The following LMO7 variants were observed in gnomAD, a reference collection of about 807,000 sequenced individuals.
LMO7 encodes LIM domain 7, also known as LIM domain only protein 7.
Under a neutral mutation model 206.5 loss-of-function variants are expected in LMO7, and 120 were observed. The observed-to-expected ratio is 0.58, with a 90% CI of 0.50 to 0.68. LMO7 has a LOEUF of 0.68. Ranked by LOEUF, LMO7 falls within the 30% of genes least tolerant of loss-of-function variation. LMO7 has a pLI of 0.00. For synonymous variants in LMO7, 706 were observed against 681.5 expected, an observed-to-expected ratio of 1.04 and a Z score of -0.56; for missense variants, 1,959 against 1,957.9, an observed-to-expected ratio of 1.00 and a Z score of -0.01.
intron 3 of LMO7, among the ~76,000 whole-genome samples, chr13:75,735,416 G>A (rs2045719500): frequency 2.0e-5 from 3 of 152,088 alleles, no homozygotes; most frequent in South Asian, 2.1e-4. Context: ...AGTCAGAAGA[G>A]GTTTGTTATT....
intron 3 of LMO7, among the ~76,000 whole-genome samples, chr13:75,742,029 A>T (rs607095): frequency 0.47 from 70,665 of 151,942 alleles, 17,158 homozygotes; most frequent in East Asian, 0.61. Context: ...TTCAGGTAAG[A>T]TTCAAGATAC....
intron 3 of LMO7, among the ~76,000 whole-genome samples, chr13:75,732,666 G>C (rs1171421399): frequency 6.6e-6 from 1 of 152,212 alleles, no homozygotes; most frequent in Non-Finnish European, 1.5e-5. Flanking sequence ...CATTGCTGGT[G>C]AGGAACTGCG....
At chr13:75,823,914 C>T (rs1279666425) in intron 15 of LMO7, 41 bp downstream of exon 15, 2 of 1,513,686 alleles carry the variant, frequency 1.3e-6, no homozygotes, top group East Asian at 2.3e-5. Context: ...GGCTCAGACA[C>T]TTACACATTT....
chr13:75,813,117 T>C (rs1287126696), intron 11 of LMO7, among the ~76,000 whole-genome samples: 1 of 152,234 alleles, frequency 6.6e-6, no homozygotes, highest in East Asian at 1.9e-4. Flanking sequence ...GCGAGGTTGC[T>C]GGCACACAGT....
At chr13:75,644,304 G>A (rs2036824766) in intron 1 of LMO7, among the ~76,000 whole-genome samples, 1 of 152,088 alleles carries the variant, frequency 6.6e-6, no homozygotes, top group Non-Finnish European at 1.5e-5. Context: ...AGGGGTGAGA[G>A]GTAAAATAAT....
At chr13:75,795,992 ATATTGT>A (rs1319561838) in intron 5 of LMO7, among the ~76,000 whole-genome samples, 66 of 152,282 alleles carry the variant, frequency 4.3e-4, no homozygotes, top group African/African-American at 4.8e-5. Context: ...ATTTAAAAAC[ATATTGT>A]TAGAGTGGTA....
At chr13:75,668,007 AG>A (rs1384043732) in intron 1 of LMO7, among the ~76,000 whole-genome samples, 1 of 152,196 alleles carries the variant, frequency 6.6e-6, no homozygotes, top group Non-Finnish European at 1.5e-5. Context: ...CAGGAGTTCG[AG>A]ACCAGCCTGG....
intron 4 of LMO7, among the ~76,000 whole-genome samples, chr13:75,765,789 A>G (rs2048794970): frequency 6.6e-6 from 1 of 152,160 alleles, no homozygotes; most frequent in Admixed American, 6.5e-5. Flanking sequence ...GTTTTTCTCC[A>G]TTTCTAGTTC....
intron 4 of LMO7, among the ~76,000 whole-genome samples, chr13:75,772,555 C>A (rs541360175): frequency 6.6e-6 from 1 of 152,176 alleles, no homozygotes; most frequent in Non-Finnish European, 1.5e-5. Context: ...GTGACCTGCT[C>A]AAGGTCATAG....
intron 4 of LMO7, among the ~76,000 whole-genome samples, chr13:75,767,885 C>T (rs1056838154): frequency 1.3e-5 from 2 of 152,082 alleles, no homozygotes; most frequent in African/African-American, 4.8e-5. Context: ...GGATTTGCTT[C>T]TCCATGAGTT....
chr13:75,715,515 A>G (rs981216722), intron 2 of LMO7, among the ~76,000 whole-genome samples: 33 of 152,198 alleles, frequency 2.2e-4, no homozygotes, highest in African/African-American at 7.7e-4. Flanking sequence ...AGTACCCAGT[A>G]TTCTTTAAAT....
intron 28 of LMO7, among the ~76,000 whole-genome samples, chr13:75,854,102 G>A (rs773097107): frequency 1.3e-5 from 2 of 152,150 alleles, no homozygotes; most frequent in Non-Finnish European, 2.9e-5. Context: ...TTAGGTCTGG[G>A]TGGCTTCTCC....
chr13:75,637,480 A>G (rs938389559), intron 1 of LMO7, among the ~76,000 whole-genome samples: 1 of 152,180 alleles, frequency 6.6e-6, no homozygotes, highest in South Asian at 2.1e-4. Context: ...GGTTAACATC[A>G]GGACTTCTAG....
intron 4 of LMO7, among the ~76,000 whole-genome samples, chr13:75,787,871 G>A (rs2052679239): frequency 1.3e-5 from 2 of 152,104 alleles, no homozygotes; most frequent in Non-Finnish European, 2.9e-5. Flanking sequence ...TTTGAGAGAA[G>A]GAAAGAAGTG....
intron 2 of LMO7, chr13:75,627,658 C>T (rs2034382028): frequency 6.6e-6 from 1 of 152,022 alleles, no homozygotes; most frequent in African/African-American, 2.4e-5. Flanking sequence ...CTATTTTTAT[C>T]TTTGATTATC....
At chr13:75,835,727 G>A (rs1595417236) in intron 18 of LMO7, among the ~76,000 whole-genome samples, 1 of 152,098 alleles carries the variant, frequency 6.6e-6, no homozygotes, top group Admixed American at 6.6e-5. Flanking sequence ...TAATAGTTGG[G>A]TGTAATGTAA....
intron 20 of LMO7, among the ~76,000 whole-genome samples, chr13:75,838,921 C>T (rs1025211582): frequency 6.6e-6 from 1 of 152,188 alleles, no homozygotes; most frequent in African/African-American, 2.4e-5. Context: ...TAATAGTCAA[C>T]ATTTGAGATG....
intron 1 of LMO7, among the ~76,000 whole-genome samples, chr13:75,698,539 T>C (rs1198500102): frequency 6.6e-6 from 1 of 152,028 alleles, no homozygotes; most frequent in Non-Finnish European, 1.5e-5. Flanking sequence ...ATCCTTCTAC[T>C]TGGCCTCCCA....
intron 1 of LMO7, among the ~76,000 whole-genome samples, chr13:75,647,200 C>T (rs937889431): frequency 6.6e-6 from 1 of 152,162 alleles, no homozygotes; most frequent in African/African-American, 2.4e-5. Flanking sequence ...TTACTAGACA[C>T]TCAATAAATA....
Sources: gnomAD v4.1 joint callset for allele counts (sites outside exome capture counted in the v4.1 genomes callset) on GRCh38, gnomAD v4.1.1 for gene constraint, MANE v1.5 for transcripts, NCBI Gene and HGNC (gene_info 2026-07-23, HGNC 2026-07-21) for gene names.